The following KCNIP4 variants were observed in gnomAD, a reference collection of about 807,000 sequenced individuals.
KCNIP4 encodes potassium voltage-gated channel interacting protein 4, also known as Kv channel-interacting protein 4.
Under a neutral mutation model 34.0 loss-of-function variants are expected in KCNIP4, and 12 were observed. That is an observed-to-expected ratio of 0.35 (90% CI 0.23 to 0.57). The LOEUF is 0.57. KCNIP4 is among the 20% of genes least tolerant of loss of function. The pLI, the probability that KCNIP4 is intolerant of heterozygous loss-of-function variation, is 0.83. For missense variants in KCNIP4, 238 were observed against 311.7 expected (o/e 0.76, Z 1.78); for synonymous variants, 124 against 102.2 (o/e 1.21, Z -1.29).
chr4:20,928,115 A>G (rs185520501), intron 1 of KCNIP4, among the ~76,000 whole-genome samples: 1,898 of 152,226 alleles, frequency 0.012, 16 homozygotes, highest in Non-Finnish European at 0.018. Context: ...ATTTTTTCAG[A>G]GTATGAAAAA....
At chr4:21,285,403 G>A (rs1763059930) in intron 1 of KCNIP4, among the ~76,000 whole-genome samples, 1 of 152,108 alleles carries the variant, frequency 6.6e-6, no homozygotes, top group African/African-American at 2.4e-5. Flanking sequence ...AATTTCTGAA[G>A]AATTGTTATA....
intron 1 of KCNIP4, among the ~76,000 whole-genome samples, chr4:21,467,167 T>C (rs756146671): frequency 6.6e-6 from 1 of 151,434 alleles, no homozygotes; most frequent in Non-Finnish European, 1.5e-5. Flanking sequence ...TTCTTCTGGG[T>C]TTTGGAATTA....
At chr4:21,166,938 CAAAAAAAAAAAAAAA>C (rs55649635) in intron 1 of KCNIP4, among the ~76,000 whole-genome samples, 3 of 37,544 alleles carry the variant, frequency 8.0e-5, no homozygotes, top group Non-Finnish European at 1.3e-4. Context: ...CACTCCATCT[CAAAAAAAAAAAAAAA>C]AAAAAAAAAA....
intron 1 of KCNIP4, among the ~76,000 whole-genome samples, chr4:20,941,588 C>T (rs1731644133): frequency 6.6e-6 from 1 of 152,046 alleles, no homozygotes; most frequent in Non-Finnish European, 1.5e-5. Flanking sequence ...GCTTATGAAC[C>T]TGGTAAATTT....
At chr4:21,811,229 T>G (rs1721630921) in intron 1 of KCNIP4, among the ~76,000 whole-genome samples, 1 of 152,206 alleles carries the variant, frequency 6.6e-6, no homozygotes, top group South Asian at 2.1e-4. Flanking sequence ...TACTCAATCC[T>G]ACTTGATAAG....
At chr4:21,321,861 G>A (rs542469649) in intron 1 of KCNIP4, among the ~76,000 whole-genome samples, 27 of 141,058 alleles carry the variant, frequency 1.9e-4, no homozygotes, top group Non-Finnish European at 4.0e-4. Flanking sequence ...GAAGGAGAAA[G>A]GAAAAAGCAA....
intron 1 of KCNIP4, among the ~76,000 whole-genome samples, chr4:20,892,620 C>G (rs556260320): frequency 6.6e-6 from 1 of 152,136 alleles, no homozygotes; most frequent in Non-Finnish European, 1.5e-5. Context: ...ATCTTCTTTA[C>G]CTTGGTGTTG....
intron 1 of KCNIP4, chr4:21,843,367 A>C (rs1344794579): frequency 6.6e-6 from 1 of 152,082 alleles, no homozygotes; most frequent in Non-Finnish European, 1.5e-5. Context: ...AGGATTAGAT[A>C]ATACAGTTTG....
intron 1 of KCNIP4, among the ~76,000 whole-genome samples, chr4:21,466,317 A>C (rs1729932995): frequency 6.6e-6 from 1 of 152,172 alleles, no homozygotes; most frequent in Non-Finnish European, 1.5e-5. Flanking sequence ...CACTTCAGGG[A>C]ACTTATGTGA....
At chr4:20,767,313 T>G (rs1755502351) in intron 3 of KCNIP4, 1 of 152,196 alleles carries the variant, frequency 6.6e-6, no homozygotes, top group Non-Finnish European at 1.5e-5. Context: ...ATTGTAATTG[T>G]AAATGATAGC....
At chr4:21,769,404 T>C (rs1488959209) in intron 1 of KCNIP4, among the ~76,000 whole-genome samples, 5 of 152,158 alleles carry the variant, frequency 3.3e-5, no homozygotes, top group Non-Finnish European at 5.9e-5. Flanking sequence ...GGTCATATAT[T>C]ATTTGATTTC....
chr4:20,978,172 C>A (rs1735670704), intron 1 of KCNIP4, among the ~76,000 whole-genome samples: 1 of 152,188 alleles, frequency 6.6e-6, no homozygotes, highest in African/African-American at 2.4e-5. Flanking sequence ...CTCAGGAGTT[C>A]TAACAAACAT....
rs139741742 is a variant in KCNIP4, at chr4:21,355,415, T to G, written c.62-472706A>C. Among the ~76,000 whole-genome samples, 785 of 151,268 alleles carry G rather than the reference T, an allele frequency of 5.2e-3. 8 individuals are homozygous for G. Among genetic ancestry groups the G allele is most frequent in the African/African-American group, 0.018 (735 of 41,224 alleles). Reference sequence around the variant, plus strand: ...ATTGATAAAACGCTAGCAAGACTAATAAGAAGAAAAGAGAGAAGAATCAAA... The same window carrying G: ...ATTGATAAAACGCTAGCAAGACTAAGAAGAAGAAAAGAGAGAAGAATCAAA... On this transcript the variant is annotated intron_variant, in intron 1 of 8. Coordinates refer to ENST00000382152, the MANE Select transcript of KCNIP4 (RefSeq NM_025221.6).
chr4:21,114,718 G>C (rs1749540081), intron 1 of KCNIP4, among the ~76,000 whole-genome samples: 1 of 151,908 alleles, frequency 6.6e-6, no homozygotes, highest in Non-Finnish European at 1.5e-5. Context: ...ACAATACTTT[G>C]AAACACAGAA....
At chr4:21,774,019 T>A (rs904509159) in intron 1 of KCNIP4, among the ~76,000 whole-genome samples, 1 of 152,052 alleles carries the variant, frequency 6.6e-6, no homozygotes, top group African/African-American at 2.4e-5. Context: ...GCTGATGCAG[T>A]TTCTTCATAG....
intron 1 of KCNIP4, among the ~76,000 whole-genome samples, chr4:21,486,293 C>T (rs1278363637): frequency 6.6e-6 from 1 of 152,128 alleles, no homozygotes; most frequent in African/African-American, 2.4e-5. Flanking sequence ...TCAGGCAGCA[C>T]AGAGCCTTAG....
At chr4:21,242,131 T>G (rs1460463459) in intron 1 of KCNIP4, among the ~76,000 whole-genome samples, 1 of 124,274 alleles carries the variant, frequency 8.0e-6, no homozygotes, top group Non-Finnish European at 1.6e-5. Context: ...GCCACTGCAC[T>G]CCATCCTGGG....
At chr4:20,960,923 A>G (rs1365176981) in intron 1 of KCNIP4, among the ~76,000 whole-genome samples, 1 of 152,218 alleles carries the variant, frequency 6.6e-6, no homozygotes, top group Non-Finnish European at 1.5e-5. Flanking sequence ...GAGACTGATC[A>G]TGAGTAGGAG....
intron 2 of KCNIP4, among the ~76,000 whole-genome samples, chr4:20,858,159 C>A (rs1160699339): frequency 1.5e-5 from 2 of 134,202 alleles, no homozygotes; most frequent in East Asian, 2.2e-4. Context: ...TGCAGTGAGC[C>A]GAGATCTCGC....
Sources: allele counts gnomAD v4.1 joint callset (sites outside exome capture counted in the v4.1 genomes callset), GRCh38; gene constraint gnomAD v4.1.1; transcripts MANE v1.5; gene names NCBI Gene and HGNC (gene_info 2026-07-23, HGNC 2026-07-21).